ABCA9: variants seen among roughly 807,000 people sequenced by gnomAD.
ABCA9 encodes ATP binding cassette subfamily A member 9.
ABCA9 carries 183 observed loss-of-function variants against 205.3 expected under a neutral mutation model. The ratio of observed to expected loss-of-function variants is 0.89; its 90% CI spans 0.79 to 1.01. ABCA9 has a LOEUF of 1.01. Among genes scored for constraint, ABCA9 ranks in the 50% least tolerant of loss-of-function variants. The pLI is 0.00. For missense variants in ABCA9, 1,805 were observed against 1,912.4 expected (o/e 0.94, Z 1.05); for synonymous variants, 651 against 683.3 (o/e 0.95, Z 0.74).
chr17:69,027,858 A>G (rs755700895), intron 12 of ABCA9, 43 bp from the exon 13 acceptor site: 2 of 1,460,360 alleles, frequency 1.4e-6, no homozygotes, highest in Non-Finnish European at 1.9e-6. Flanking sequence ...AAAATGTGTC[A>G]TGCTTCATTG....
chr17:69,017,580 C>A (rs2144265209), intron 21 of ABCA9, 76 bp downstream of exon 21: 3 of 1,515,548 alleles, frequency 2.0e-6, no homozygotes, highest in Non-Finnish European at 2.7e-6. Context: ...GCCTTTCATT[C>A]AGCTGATATG....
At chr17:69,065,831 A>G (rs2144574726), upstream of ABCA9, among the ~76,000 whole-genome samples, 1 of 152,210 alleles carries the variant, frequency 6.6e-6, no homozygotes, top group Non-Finnish European at 1.5e-5. Flanking sequence ...AGGTAATTGA[A>G]TCATGAGGGC....
chr17:69,071,645 T>G, the ABCA9 span, among the ~76,000 whole-genome samples: 1 of 151,982 alleles, frequency 6.6e-6, no homozygotes, highest in East Asian at 1.9e-4. Flanking sequence ...GAAAAACCAG[T>G]GTAAAAAGGC....
At chr17:69,059,643 T>A (rs73354208) in intron 1 of ABCA9, among the ~76,000 whole-genome samples, 44 of 150,524 alleles carry the variant, frequency 2.9e-4, no homozygotes, top group African/African-American at 1.0e-3. Context: ...AACTCTGTTT[T>A]GTTCTAAACC....
chr17:69,061,163 A>G (rs2072236762), upstream of ABCA9: 6 of 985,004 alleles, frequency 6.1e-6, no homozygotes, highest in South Asian at 2.3e-4. Context: ...GGACATATCA[A>G]AACATTAGGA....
intron 9 of ABCA9, 59 bp from the exon 10 acceptor site, chr17:69,032,335 G>T: frequency 1.3e-6 from 2 of 1,484,332 alleles, no homozygotes; most frequent in African/African-American, 1.4e-5. Flanking sequence ...GATTCCATCA[G>T]CATATCAGTG....
Position 69,028,536 on chromosome 17 carries a change from T to G in ABCA9, c.1614A>C (p.Ser538=). Residue 538 remains serine, a splice_region_variant and synonymous_variant, in exon 12 of 39, where the codon TCA becomes TCC. Transcript: ENST00000340001. ...GTCCTTGGATAACTGTCTTCTTACC[T>G]GATGTTGGAACTGACAACCCACTAA... ...NILSGLSVPT[S]GSVTVYNHTL... 1 of 1,581,908 alleles carries G rather than the reference T, an allele frequency of 6.3e-7. No individual in the cohort carries two copies. The highest frequency in any genetic ancestry group is 1.4e-5 in the African/African-American group (1 of 73,858).
At chr17:69,029,826 A>G (rs1352847215) in intron 10 of ABCA9, among the ~76,000 whole-genome samples, 2 of 152,226 alleles carry the variant, frequency 1.3e-5, no homozygotes, top group Non-Finnish European at 2.9e-5. Context: ...GTAAACTTCC[A>G]AAGAAGATGA....
chr17:69,070,027 C>T, the ABCA9 span, among the ~76,000 whole-genome samples: 1 of 151,874 alleles, frequency 6.6e-6, no homozygotes, highest in Non-Finnish European at 1.5e-5. Flanking sequence ...GAATTTATTG[C>T]TTGGGTTTTA....
chr17:68,996,298 T>G (rs2069622406), intron 25 of ABCA9, among the ~76,000 whole-genome samples: 1 of 152,244 alleles, frequency 6.6e-6, no homozygotes, highest in Non-Finnish European at 1.5e-5. Context: ...AGTGATTATT[T>G]ATTGTACATT....
intron 25 of ABCA9, among the ~76,000 whole-genome samples, chr17:69,001,843 T>C (rs1392931524): frequency 1.3e-5 from 2 of 152,142 alleles, no homozygotes; most frequent in Admixed American, 6.5e-5. Flanking sequence ...GGTTTAGTCT[T>C]GGGAGAGTGT....
rs1403882613 is a variant in ABCA9, at chr17:68,975,788, G to T, written c.*127C>A. 1.4e-6 allele frequency: 1 copy of T among 740,326 alleles called. No homozygotes were observed. The highest frequency in any genetic ancestry group is 2.5e-5 in the Admixed American group (1 of 40,662). The allele number at this position is 740,326 out of a possible 1,614,324, so 45.9% of individuals were successfully genotyped here. A position where few individuals can be genotyped will look rare whatever the true frequency, so the allele number is the denominator to read the frequency against. ...TTGTCTCACTGTAAGAAATACTACT[G>T]AGGATAATTATTGCATGAGTTTCAA... On this transcript the variant is annotated 3_prime_UTR_variant, in exon 39 of 39. Coordinates refer to ENST00000340001, the MANE Select transcript of ABCA9 (RefSeq NM_080283.4).
chr17:69,051,204 C>G (rs975921396), intron 1 of ABCA9, 65 bp from the exon 2 acceptor site: 2 of 1,433,994 alleles, frequency 1.4e-6, no homozygotes, highest in African/African-American at 2.8e-5. Context: ...ATTGTGCAAT[C>G]AAACATAAAA....
chr17:69,026,309 A>T, intron 16 of ABCA9, 68 bp downstream of exon 16: 1 of 1,294,840 alleles, frequency 7.7e-7, no homozygotes, highest in Non-Finnish European at 1.1e-6. Flanking sequence ...TTACACATTG[A>T]TGCTGATACC....
chr17:68,997,906 A>G (rs1210004536), intron 25 of ABCA9, among the ~76,000 whole-genome samples: 1 of 152,190 alleles, frequency 6.6e-6, no homozygotes, highest in Non-Finnish European at 1.5e-5. Context: ...ATAGTATCAT[A>G]CAGGCCTAAA....
At chr17:69,013,412 G>A (rs1012971534) in intron 22 of ABCA9, among the ~76,000 whole-genome samples, 1 of 152,056 alleles carries the variant, frequency 6.6e-6, no homozygotes, top group African/African-American at 2.4e-5. Flanking sequence ...AAACTTGCTT[G>A]TCTAAAGATG....
At chr17:69,053,188 G>A (rs772309309) in intron 1 of ABCA9, among the ~76,000 whole-genome samples, 17 of 152,170 alleles carry the variant, frequency 1.1e-4, no homozygotes, top group Non-Finnish European at 2.5e-4. Context: ...TGGGGATGGG[G>A]CTGAAACCTT....
chr17:69,027,238 C>A (rs924719932), intron 14 of ABCA9, 92 bp downstream of exon 14: 2 of 1,561,790 alleles, frequency 1.3e-6, no homozygotes, highest in African/African-American at 1.4e-5. Context: ...CCTAAAAGTT[C>A]TCTTACATTT....
chr17:69,048,428 C>T (rs572465993), intron 3 of ABCA9, among the ~76,000 whole-genome samples: 44 of 148,044 alleles, frequency 3.0e-4, no homozygotes, highest in African/African-American at 1.1e-3. Flanking sequence ...CATGGACTTA[C>T]GCCACATTGG....
Sources: allele counts gnomAD v4.1 joint callset (sites outside exome capture counted in the v4.1 genomes callset), GRCh38; gene constraint gnomAD v4.1.1; transcripts MANE v1.5; gene names NCBI Gene and HGNC (gene_info 2026-07-23, HGNC 2026-07-21).